UNC79: variants seen among roughly 807,000 people sequenced by gnomAD.
UNC79 encodes protein unc-79 homolog.
A neutral mutation model predicts 283.1 loss-of-function variants in UNC79; 37 were observed. The observed-to-expected ratio is 0.13, with a 90% confidence interval of 0.10 to 0.17. The LOEUF is 0.17. Among genes scored for constraint, UNC79 ranks in the 10% least tolerant of loss-of-function variants. The pLI, the probability that UNC79 is intolerant of heterozygous loss-of-function variation, is 1.00. For synonymous variants in UNC79, 1,107 were observed against 1,200.2 expected (o/e 0.92, Z 1.61); for missense variants, 2,272 against 3,211.1 (o/e 0.71, Z 7.07).
Position 93,659,135 on chromosome 14 carries a change from A to G in UNC79, c.6457-58A>G. ...CTAAATGCTTTCAGAACATATTTGA[A>G]GCAAAAGTTATATTAAGGTGGAAAC... On this transcript the variant is annotated intron_variant, in intron 38 of 48. Coordinates refer to ENST00000555664, the Ensembl canonical transcript of UNC79. The G allele has an allele frequency of 2.8e-6, 4 of 1,404,110 alleles. No individual in the cohort carries two copies. In the South Asian group the frequency reaches 3.9e-5, roughly 14 times the overall value. 87.0% of individuals were successfully genotyped at this position (1,404,110 alleles called of 1,614,324 possible).
exon 19 of UNC79, chr14:93,580,344 A>G: frequency 6.2e-7 from 1 of 1,613,932 alleles, no homozygotes; most frequent in Non-Finnish European, 8.5e-7. Context: ...ACTCCTGGAG[A>G]GACTAGCTCC....
chr14:93,482,319 C>T lies in UNC79; in HGVS notation c.619+4591C>T, dbSNP rs181675340. ...TTTGGATTCACAGAATCTGACAGACCACTTCCACAGTGTTAATGGGCATTC... is the reference window on the plus strand; with the variant it reads ...TTTGGATTCACAGAATCTGACAGACTACTTCCACAGTGTTAATGGGCATTC... On this transcript the variant is annotated intron_variant, in intron 4 of 48. Transcript: ENST00000555664. Among the ~76,000 whole-genome samples the T allele has an allele frequency of 2.3e-4, 35 of 152,188 alleles. No homozygotes were observed. In the East Asian group the frequency reaches 6.8e-3, roughly 29 times the overall value.
intron 42 of UNC79, among the ~76,000 whole-genome samples, chr14:93,685,575 T>C (rs1461096938): frequency 2.6e-5 from 4 of 152,172 alleles, no homozygotes; most frequent in East Asian, 1.9e-4. Flanking sequence ...GAAGGTGATA[T>C]AGTTCAGTAC....
At chr14:93,613,675 A>G (rs2066477516) in intron 27 of UNC79, among the ~76,000 whole-genome samples, 1 of 152,108 alleles carries the variant, frequency 6.6e-6, no homozygotes, top group South Asian at 2.1e-4. Context: ...TGGCCTCCCA[A>G]AGTGCTGGGA....
intron 10 of UNC79, among the ~76,000 whole-genome samples, chr14:93,529,715 C>A (rs977675897): frequency 1.3e-5 from 2 of 152,182 alleles, no homozygotes; most frequent in African/African-American, 4.8e-5. Flanking sequence ...AATAATTGGC[C>A]TTTCCCCTGC....
At chr14:93,707,316 T>TA (rs1223653014), downstream of UNC79, 22 of 158,178 alleles carry the variant, frequency 1.4e-4, no homozygotes, top group Admixed American at 2.5e-4. Flanking sequence ...GGCAATGCAA[T>TA]AAAAAAAACC....
intron 4 of UNC79, among the ~76,000 whole-genome samples, chr14:93,483,804 C>T (rs551814280): frequency 6.6e-6 from 1 of 151,916 alleles, no homozygotes; most frequent in Non-Finnish European, 1.5e-5. Context: ...GTTTTCTGTC[C>T]TTGCGATAGT....
At chr14:93,691,555 C>G (rs923520464) in intron 45 of UNC79, 194 bp from the exon 49 acceptor site, 1 of 623,642 alleles carries the variant, frequency 1.6e-6, no homozygotes, top group East Asian at 2.7e-5. Flanking sequence ...TCTGAGCACA[C>G]TCCCACTGGT....
intron 14 of UNC79, among the ~76,000 whole-genome samples, chr14:93,560,756 G>A (rs1279508877): frequency 2.0e-5 from 3 of 152,112 alleles, no homozygotes; most frequent in Non-Finnish European, 4.4e-5. Flanking sequence ...AAGAGAGCTT[G>A]TGCCAGGCAA....
chr14:93,609,431 T>A (rs1300675326), intron 26 of UNC79, among the ~76,000 whole-genome samples: 1 of 152,206 alleles, frequency 6.6e-6, no homozygotes, highest in Non-Finnish European at 1.5e-5. Context: ...CTTTGGAGTT[T>A]CAATCAGTTA....
At chr14:93,364,029 CCTTT>C (rs2054278088) in intron 1 of UNC79, among the ~76,000 whole-genome samples, 1 of 152,068 alleles carries the variant, frequency 6.6e-6, no homozygotes, top group South Asian at 2.1e-4. Flanking sequence ...CTATGTAATG[CCTTT>C]CTTTGTCCTT....
chr14:93,604,349 T>C (rs1056681217), intron 26 of UNC79, among the ~76,000 whole-genome samples: 9 of 152,342 alleles, frequency 5.9e-5, no homozygotes, highest in Middle Eastern at 3.4e-3. Flanking sequence ...ATCATAAATA[T>C]GATTTGATTT....
In UNC79 at chr14:93,422,697, A is replaced by T. The variant is rs146787871; in HGVS notation, c.-350-44974A>T. The stretch of plus-strand genomic sequence containing the variant: ...CATGAATGGATAAGTAAATTCAGTA[A>T]AGTTGCTGGATATAAAATCAACATA... On this transcript the variant is annotated intron_variant, in intron 1 of 49. Transcript: ENST00000256339. Among the ~76,000 whole-genome samples, 286 of 152,306 alleles carry T rather than the reference A, an allele frequency of 1.9e-3. 1 individual carries two copies. Among genetic ancestry groups the T allele is most frequent in the African/African-American group, 6.4e-3 (267 of 41,570 alleles).
intron 32 of UNC79, among the ~76,000 whole-genome samples, chr14:93,638,706 G>A (rs1236178296): frequency 6.6e-6 from 1 of 152,202 alleles, no homozygotes; most frequent in African/African-American, 2.4e-5. Flanking sequence ...TATTCAGAAG[G>A]GGAGCCAGTA....
At chr14:93,705,347 C>CAAAA (rs71129656) in intron 48 of UNC79, among the ~76,000 whole-genome samples, 42 of 87,506 alleles carry the variant, frequency 4.8e-4, no homozygotes, top group African/African-American at 8.8e-4. Flanking sequence ...CCCAGTCTCT[C>CAAAA]AAAAAAAAAA....
intron 14 of UNC79, among the ~76,000 whole-genome samples, chr14:93,547,268 C>A (rs927213217): frequency 6.6e-6 from 1 of 152,172 alleles, no homozygotes; most frequent in Non-Finnish European, 1.5e-5. Context: ...CAAATGTAAC[C>A]TAAGGACAGT....
In UNC79 at chr14:93,381,004, G is replaced by A. The variant is rs1016911851; in HGVS notation, c.-351+47481G>A. 4.6e-5 allele frequency among the ~76,000 whole-genome samples: 7 copies of A among 152,130 alleles called. No individual in the cohort carries two copies. The South Asian group carries it at 8.3e-4, about 18-fold the overall frequency. Reference sequence around the variant, plus strand: ...TTAGATAGTCAGTGATAAACAAAACGGATGTGTCCCATATGGAATTTTATT... The same window carrying A: ...TTAGATAGTCAGTGATAAACAAAACAGATGTGTCCCATATGGAATTTTATT... On this transcript the variant is annotated intron_variant, in intron 1 of 49. Coordinates refer to the UNC79 transcript ENST00000256339.
At chr14:93,402,588 A>C (rs528691382) in intron 1 of UNC79, among the ~76,000 whole-genome samples, 1 of 152,320 alleles carries the variant, frequency 6.6e-6, no homozygotes, top group East Asian at 1.9e-4. Flanking sequence ...AAAGACAATC[A>C]GTGAATTGAG....
chr14:93,334,064 TTTG>T (rs543049896), intron 1 of UNC79, among the ~76,000 whole-genome samples: 25 of 152,382 alleles, frequency 1.6e-4, no homozygotes, highest in East Asian at 5.8e-4. Context: ...CACACAGTTT[TTTG>T]TTGTTGTTGT....
Sources: gnomAD v4.1 joint callset for allele counts (sites outside exome capture counted in the v4.1 genomes callset) on GRCh38, gnomAD v4.1.1 for gene constraint, MANE v1.5 for transcripts, NCBI Gene and HGNC (gene_info 2026-07-23, HGNC 2026-07-21) for gene names.